The following PHRF1 variants were observed in gnomAD, a reference collection of about 807,000 sequenced individuals.
PHRF1 encodes PHD and ring finger domains 1, also known as PHD and RING finger domain-containing protein 1.
PHRF1 carries 53 observed loss-of-function variants against 128.9 expected under a neutral mutation model. The observed-to-expected ratio is 0.41, with a 90% CI of 0.33 to 0.52. The LOEUF is 0.52. PHRF1 is among the 20% of genes least tolerant of loss of function. The pLI is 0.21. For missense variants in PHRF1, 2,503 were observed against 2,284.5 expected (o/e 1.10, Z -1.95); for synonymous variants, 1,178 against 980.6 (o/e 1.20, Z -3.76).
chr11:587,774 G>A (rs1419089100), intron 4 of PHRF1, among the ~76,000 whole-genome samples: 3 of 152,180 alleles, frequency 2.0e-5, no homozygotes, highest in Admixed American at 2.0e-4. Flanking sequence ...CAAGCCAGAG[G>A]CAGGTGTGCT....
chr11:588,326 G>A (rs1341389430), intron 4 of PHRF1, among the ~76,000 whole-genome samples: 4 of 152,096 alleles, frequency 2.6e-5, no homozygotes, highest in Admixed American at 6.6e-5. Context: ...TCCTGTTCCT[G>A]TTCTGTTGTG....
At chr11:585,583 TCCA>T (rs1854486367) in intron 3 of PHRF1, among the ~76,000 whole-genome samples, 2 of 121,952 alleles carry the variant, frequency 1.6e-5, no homozygotes, top group African/African-American at 7.0e-5. Context: ...AGTAGCCCTT[TCCA>T]GCTTGAGGTA....
intron 3 of PHRF1, among the ~76,000 whole-genome samples, chr11:583,789 G>A (rs1854360669): frequency 1.3e-5 from 2 of 152,196 alleles, no homozygotes; most frequent in African/African-American, 2.4e-5. Context: ...CTCCTTCCTT[G>A]TCCCCTGTTG....
Position 588,401 on chromosome 11 carries a change from C to T in PHRF1, c.420+937C>T, listed in dbSNP as rs569166560. Among the ~76,000 whole-genome samples the T allele has an allele frequency of 4.0e-5, 6 of 150,868 alleles. No homozygotes were observed. The South Asian group carries it at 6.3e-4, about 16-fold the overall frequency. On this transcript the variant is annotated intron_variant, in intron 4 of 17. Transcript: ENST00000264555. ...TCTTTTTTTTTTTGTTTTTTTGAGA[C>T]GGAGTTTTGTTCTTGTTGCCCAGGC...
At chr11:593,824 C>G (rs1855125617) in intron 6 of PHRF1, among the ~76,000 whole-genome samples, 2 of 152,218 alleles carry the variant, frequency 1.3e-5, no homozygotes. Context: ...CGCCTCTGCT[C>G]ACATTCGCAG....
intron 17 of PHRF1, among the ~76,000 whole-genome samples, 184 bp from the exon 18 acceptor site, chr11:611,450 C>T (rs762137663): frequency 4.4e-4 from 67 of 152,302 alleles, no homozygotes; most frequent in Admixed American, 7.2e-4. Flanking sequence ...GCCTTGTGAG[C>T]GGCATAGCGA....
In PHRF1 at chr11:599,959, A is replaced by G. The variant is rs543654220; in HGVS notation, c.1024+1457A>G. Among the ~76,000 whole-genome samples the G allele has an allele frequency of 2.6e-5, 4 of 152,242 alleles. No homozygotes were observed. The South Asian group carries it at 8.3e-4, about 32-fold the overall frequency. The stretch of plus-strand genomic sequence containing the variant: ...TATTGAGAAATATTCCATTGTATGA[A>G]TATACCACAGTTTGTCCTGTTGATG... On this transcript the variant is annotated intron_variant, in intron 9 of 17. Transcript: ENST00000264555.
At chr11:604,581 C>T (rs1015412407) in intron 10 of PHRF1, among the ~76,000 whole-genome samples, 2 of 152,192 alleles carry the variant, frequency 1.3e-5, no homozygotes, top group African/African-American at 4.8e-5. Context: ...GTGGTGCAAT[C>T]TTGGTTCACT....
rs770143091 is a variant in PHRF1 at position 609,503 on chromosome 11, G to A, written c.4047G>A (p.Pro1349=). ...EGTQEPHLLR[P]DAAEKAEAPS... is the part of the protein sequence containing the mutation. ...CCCAGGAGCCACATTTGCTCAGGCCGGACGCGGCTGAGAAGGCTGAGGCAC... is the reference window on the plus strand; with the variant it reads ...CCCAGGAGCCACATTTGCTCAGGCCAGACGCGGCTGAGAAGGCTGAGGCAC... The change falls in exon 14 of 18, where the codon CCG becomes CCA. Residue 1349 remains proline (P), a synonymous_variant. Transcript: ENST00000264555. 15 of 1,602,956 alleles carry A rather than the reference G, an allele frequency of 9.4e-6. No homozygotes were observed. Among genetic ancestry groups the A allele is most frequent in the Middle Eastern group, 3.3e-4 (2 of 6,080 alleles).
chr11:608,519 G>A lies in PHRF1; in HGVS notation c.3063G>A (p.Thr1021=), dbSNP rs375302987. 68 of 1,586,880 alleles carry A rather than the reference G, an allele frequency of 4.3e-5. No individual in the cohort carries two copies. Among genetic ancestry groups the A allele is most frequent in the Non-Finnish European group, 5.2e-5 (60 of 1,163,796 alleles). ...AGCACGGACGGACGCGCTCTGGGAC[G>A]CGCTCTGAATCCAGGGACAGGAGCT... ...SREHGRTRSG[T]RSESRDRSSR... The change falls in exon 14 of 18, where the codon ACG becomes ACA. Residue 1021 remains threonine, a synonymous_variant. Coordinates refer to ENST00000264555, the MANE Select transcript of PHRF1 (RefSeq NM_001286581.2).
At chr11:590,750 C>G (rs1034816799) in intron 4 of PHRF1, among the ~76,000 whole-genome samples, 3 of 152,176 alleles carry the variant, frequency 2.0e-5, no homozygotes, top group African/African-American at 7.2e-5. Context: ...GTCACCCAAG[C>G]TGGAGTGCAG....
chr11:577,517 G>C (rs1348215093), intron 1 of PHRF1, among the ~76,000 whole-genome samples: 1 of 152,252 alleles, frequency 6.6e-6, no homozygotes, highest in Non-Finnish European at 1.5e-5. Flanking sequence ...TTAAGTCAGA[G>C]TGCTAGTGGA....
chr11:609,800 CGTG>C lies in PHRF1; in HGVS notation c.4264+81_4264+83del, dbSNP rs1856247140. Reference sequence around the variant, plus strand: ...GGCCCCCGCCGAGGACAGAGCCCCCCGTGAGTAAGGCCCCGGCCTCCACCGAGG... The same window carrying C: ...GGCCCCCGCCGAGGACAGAGCCCCCCAGTAAGGCCCCGGCCTCCACCGAGG... On this transcript the variant is annotated intron_variant, in intron 14 of 17. Coordinates refer to ENST00000264555, the MANE Select transcript of PHRF1 (RefSeq NM_001286581.2). The C allele has an allele frequency of 4.1e-6, 4 of 964,754 alleles. No homozygotes were observed. The African/African-American group carries it at 9.1e-5, about 22-fold the overall frequency. 59.8% of individuals were successfully genotyped at this position (964,754 alleles called of 1,614,324 possible).
At chr11:576,622 G>T (rs893854867) in intron 1 of PHRF1, 30 bp downstream of exon 1, 125 of 150,582 alleles carry the variant, frequency 8.3e-4, no homozygotes, top group African/African-American at 2.9e-3. Context: ...CGGCCCTGGG[G>T]GCCCTGCTCC....
At chr11:595,621 C>T (rs1855232785) in intron 6 of PHRF1, among the ~76,000 whole-genome samples, 1 of 152,236 alleles carries the variant, frequency 6.6e-6, no homozygotes, top group Non-Finnish European at 1.5e-5. Flanking sequence ...CCAATCTCCT[C>T]TTCTCGGGGA....
intron 9 of PHRF1, among the ~76,000 whole-genome samples, chr11:599,091 G>A (rs763109917): frequency 6.6e-5 from 10 of 152,176 alleles, no homozygotes; most frequent in Non-Finnish European, 1.2e-4. Flanking sequence ...GCGCTGGTGC[G>A]CGTGCACATT....
chr11:606,811 AT>A, intron 13 of PHRF1: 1 of 870,118 alleles, frequency 1.1e-6, no homozygotes. Context: ...TCATAAGAAC[AT>A]GTCCTGATGG....
chr11:598,428 C>T lies in PHRF1; in HGVS notation c.950C>T (p.Ala317Val), dbSNP rs374532392. The T allele has an allele frequency of 4.3e-6, 7 of 1,611,228 alleles. No homozygotes were observed. The highest frequency in any genetic ancestry group is 1.3e-5 in the African/African-American group (1 of 75,042). The change falls in exon 9 of 18, where the codon GCG (alanine) becomes GTG (valine). Residue 317 changes from alanine to valine, a missense_variant. Coordinates refer to ENST00000264555, the MANE Select transcript of PHRF1 (RefSeq NM_001286581.2). ...CTGGATGAAGCCATCGAGGCTGTGG[C>T]GACTGGCCTGAGCACTGCCGTGTAT... The part of the protein sequence containing the change: ...SLLDEAIEAV[A>V]TGLSTAVYQR...
chr11:590,202 G>A (rs1008931948), intron 4 of PHRF1, among the ~76,000 whole-genome samples: 7 of 152,208 alleles, frequency 4.6e-5, no homozygotes, highest in African/African-American at 1.4e-4. Flanking sequence ...GGAGCTGGTC[G>A]GTAGGAGGGC....
Sources: gnomAD v4.1 joint callset for allele counts (sites outside exome capture counted in the v4.1 genomes callset) on GRCh38, gnomAD v4.1.1 for gene constraint, MANE v1.5 for transcripts, NCBI Gene and HGNC (gene_info 2026-07-23, HGNC 2026-07-21) for gene names.